Variants in TRPC5 observed in about 807,000 individuals in gnomAD.
The protein encoded by TRPC5 is transient receptor potential cation channel subfamily C member 5, also known as short transient receptor potential channel 5.
In TRPC5, 9 loss-of-function variants were observed where a neutral mutation model predicts 56.5. That is an observed-to-expected ratio of 0.16 (90% confidence interval 0.10 to 0.28). TRPC5 has a LOEUF of 0.28. Among genes scored for constraint, TRPC5 ranks in the 10% least tolerant of loss-of-function variants. TRPC5 has a pLI of 1.00. For missense variants in TRPC5, 469 were observed against 748.9 expected (o/e 0.63, Z 4.36); for synonymous variants, 282 against 278.5 (o/e 1.01, Z -0.13).
chrX:111,871,044 A>G (rs758707533), intron 3 of TRPC5, among the ~76,000 whole-genome samples: 9 of 111,937 alleles, frequency 8.0e-5, no homozygotes, highest in African/African-American at 9.7e-5. Context: ...GGATGAAATC[A>G]GAATGAAGGA....
chrX:111,975,952 A>G (rs1927915275), intron 1 of TRPC5, among the ~76,000 whole-genome samples: 1 of 112,136 alleles, frequency 8.9e-6, no homozygotes, highest in Admixed American at 9.4e-5. Context: ...CAAAAAAATC[A>G]TGTTACATGA....
At position 111,981,112 on chromosome X, in the gene TRPC5, G is replaced by T. The variant is rs139749396; in HGVS notation, c.-21-28671C>A. 7.8e-3 allele frequency among the ~76,000 whole-genome samples: 860 copies of T among 109,848 alleles called. 8 individuals carry two copies. Among genetic ancestry groups the T allele is most frequent in the African/African-American group, 0.027 (806 of 30,279 alleles). ...TGGAAGCTGAGAAATCCCAAGATCT[G>T]CAGTCAGCAAGCTGGAGACCCAGGA... is the stretch of plus-strand genomic sequence containing the variant. On this transcript the variant is annotated intron_variant, in intron 1 of 10. Transcript: ENST00000262839.
chrX:111,987,450 A>G (rs184871385), intron 1 of TRPC5, among the ~76,000 whole-genome samples: 61 of 111,234 alleles, frequency 5.5e-4, no homozygotes, highest in African/African-American at 2.0e-3. Context: ...CCCATGCTAC[A>G]CATTAGATCT....
At chrX:111,804,693 C>G (rs908630697) in intron 7 of TRPC5, among the ~76,000 whole-genome samples, 2 of 111,652 alleles carry the variant, frequency 1.8e-5, no homozygotes, top group African/African-American at 6.5e-5. Context: ...GATTTTTGCA[C>G]ATTGATTTTG....
intron 7 of TRPC5, among the ~76,000 whole-genome samples, chrX:111,824,901 C>T (rs781092918): frequency 1.2e-4 from 13 of 111,299 alleles, no homozygotes; most frequent in African/African-American, 2.3e-4. Flanking sequence ...TAGGCCAATC[C>T]CCGCTGGTGT....
At chrX:111,911,388 T>A (rs1925812411) in intron 3 of TRPC5, among the ~76,000 whole-genome samples, 1 of 112,617 alleles carries the variant, frequency 8.9e-6, no homozygotes, top group South Asian at 3.7e-4. Context: ...ATTTTATAAA[T>A]GAGAAAACTA....
rs1012272208 is a variant in TRPC5 at position 111,770,378 on chromosome X, A to G, written c.*5935T>C. On this transcript the variant is annotated 3_prime_UTR_variant, in exon 11 of 11. Coordinates refer to ENST00000262839, the MANE Select transcript of TRPC5 (RefSeq NM_012471.3). ...GGTTGAGAACTTGTTAACATCTGAA[A>G]TTTAACCCAAATATGACCCAAAATT... Among the ~76,000 whole-genome samples the G allele has an allele frequency of 8.9e-6, 1 of 112,122 alleles. No homozygotes were observed. The highest frequency in any genetic ancestry group is 1.9e-5 in the Non-Finnish European group (1 of 53,226).
rs1043392366 is a variant in TRPC5 at position 111,775,976 on chromosome X, A to G, written c.*337T>C. 2 of 160,138 alleles carry G rather than the reference A, an allele frequency of 1.2e-5. No homozygotes were observed. The highest frequency in any genetic ancestry group is 1.2e-5 in the Non-Finnish European group (1 of 84,533). 13.2% of individuals were successfully genotyped at this position (160,138 alleles called of 1,213,427 possible). ...AATCTGTGCGGCAACAAGACCAGCA[A>G]AGTGGCACCTGGGGCTTCAAGGAAG... On this transcript the variant is annotated 3_prime_UTR_variant, in exon 11 of 11. Coordinates refer to ENST00000262839, the MANE Select transcript of TRPC5 (RefSeq NM_012471.3).
intron 3 of TRPC5, among the ~76,000 whole-genome samples, chrX:111,888,780 G>A (rs1424524567): frequency 9.1e-6 from 1 of 109,492 alleles, no homozygotes; most frequent in Non-Finnish European, 1.9e-5. Context: ...CTGTCAGGAG[G>A]CTGTCAAAAT....
intron 7 of TRPC5, among the ~76,000 whole-genome samples, chrX:111,782,735 A>G (rs1945929321): frequency 9.1e-6 from 1 of 110,215 alleles, no homozygotes. Context: ...TACACAGAAT[A>G]AAATTCAACC....
At chrX:111,892,428 A>T (rs933593540) in intron 3 of TRPC5, among the ~76,000 whole-genome samples, 4 of 112,028 alleles carry the variant, frequency 3.6e-5, no homozygotes, top group Non-Finnish European at 7.5e-5. Flanking sequence ...CATTGTCACA[A>T]TACGAGGTGG....
intron 1 of TRPC5, among the ~76,000 whole-genome samples, chrX:111,969,154 C>G (rs371978763): frequency 6.3e-5 from 7 of 111,096 alleles, no homozygotes; most frequent in African/African-American, 2.3e-4. Context: ...TGGCAGGACC[C>G]TCCACCAGCA....
intron 1 of TRPC5, among the ~76,000 whole-genome samples, chrX:112,063,852 C>T (rs902670249): frequency 9.9e-4 from 111 of 111,895 alleles, no homozygotes; most frequent in African/African-American, 3.4e-3. Context: ...AGTGCAGTGG[C>T]GCGATCTCGG....
At chrX:111,868,551 T>A (rs1334664890) in intron 3 of TRPC5, among the ~76,000 whole-genome samples, 2 of 112,431 alleles carry the variant, frequency 1.8e-5, no homozygotes, top group Non-Finnish European at 1.9e-5. Context: ...TATAAAGCAG[T>A]ATAGGTCTGT....
intron 10 of TRPC5, among the ~76,000 whole-genome samples, chrX:111,778,527 G>A (rs949495509): frequency 3.6e-5 from 4 of 111,343 alleles, no homozygotes; most frequent in Middle Eastern, 9.3e-3. Context: ...GGTTGAAAAC[G>A]GTTGTTTTAG....
intron 1 of TRPC5, among the ~76,000 whole-genome samples, chrX:111,962,376 A>C (rs774785912): frequency 8.9e-6 from 1 of 112,445 alleles, no homozygotes; most frequent in Non-Finnish European, 1.9e-5. Context: ...TGAATGAAGT[A>C]CATTTAAGAT....
intron 3 of TRPC5, among the ~76,000 whole-genome samples, chrX:111,892,950 C>T (rs1028522823): frequency 3.6e-5 from 4 of 111,600 alleles, no homozygotes; most frequent in Non-Finnish European, 5.6e-5. Flanking sequence ...ATTTTAAATT[C>T]GTTGTGCTAA....
At chrX:112,006,786 A>G (rs1345370016) in intron 1 of TRPC5, among the ~76,000 whole-genome samples, 3 of 112,097 alleles carry the variant, frequency 2.7e-5, no homozygotes, top group Non-Finnish European at 5.6e-5. Flanking sequence ...GCATTAGCAA[A>G]CAAACTCTGG....
At chrX:111,786,307 C>T (rs1040307478) in intron 7 of TRPC5, among the ~76,000 whole-genome samples, 17 of 111,071 alleles carry the variant, frequency 1.5e-4, no homozygotes, top group African/African-American at 5.6e-4. Context: ...TTCATATCCA[C>T]CCAAACTAAG....
Sources: gnomAD v4.1 joint callset for allele counts (sites outside exome capture counted in the v4.1 genomes callset) on GRCh38, gnomAD v4.1.1 for gene constraint, MANE v1.5 for transcripts, NCBI Gene and HGNC (gene_info 2026-07-23, HGNC 2026-07-21) for gene names.